Variants in MYO10 observed in about 807,000 individuals in gnomAD.
The protein encoded by MYO10 is myosin X, also known as unconventional myosin-X.
Under a neutral mutation model 257.3 loss-of-function variants are expected in MYO10, and 133 were observed. The ratio of observed to expected loss-of-function variants is 0.52; its 90% confidence interval spans 0.45 to 0.60. The LOEUF is 0.60. Among genes scored for constraint, MYO10 ranks in the 20% least tolerant of loss-of-function variants. MYO10 has a pLI of 0.00. For synonymous variants in MYO10, 1,104 were observed against 1,028.6 expected, an observed-to-expected ratio of 1.07 and a Z score of -1.40; for missense variants, 2,399 against 2,635.7, an observed-to-expected ratio of 0.91 and a Z score of 1.97.
intron 2 of MYO10, among the ~76,000 whole-genome samples, chr5:16,863,442 G>A (rs1744159553): frequency 6.6e-6 from 1 of 152,194 alleles, no homozygotes; most frequent in Non-Finnish European, 1.5e-5. Context: ...ATTTTTCAGT[G>A]GTGCTGGGAA....
intron 19 of MYO10, among the ~76,000 whole-genome samples, chr5:16,737,522 C>T (rs1739851776): frequency 6.6e-6 from 1 of 152,198 alleles, no homozygotes; most frequent in Non-Finnish European, 1.5e-5. Flanking sequence ...TGAAACGATA[C>T]ACCATTTTCT....
chr5:16,863,648 G>A (rs928384989), intron 2 of MYO10, among the ~76,000 whole-genome samples: 1 of 152,118 alleles, frequency 6.6e-6, no homozygotes, highest in Non-Finnish European at 1.5e-5. Flanking sequence ...AAGATTCTGA[G>A]CCAAACTCAA....
At chr5:16,855,397 C>G (rs1399463732) in intron 2 of MYO10, among the ~76,000 whole-genome samples, 2 of 152,086 alleles carry the variant, frequency 1.3e-5, no homozygotes, top group African/African-American at 4.8e-5. Context: ...CCATGTATTA[C>G]TTTCCAAGGC....
chr5:16,763,798 C>T lies in MYO10; in HGVS notation c.1327-43G>A, dbSNP rs376588942. The stretch of plus-strand genomic sequence containing the variant: ...TCAATAAGTATCTTTAGTGTACTCA[C>T]GATTATATAGAAAGGTGAAGAAAAG... On this transcript the variant is annotated intron_variant, in intron 12 of 40. Coordinates refer to ENST00000513610, the MANE Select transcript of MYO10 (RefSeq NM_012334.3). 1.2e-5 allele frequency: 14 copies of T among 1,155,076 alleles called. No individual in the cohort carries two copies. In the East Asian group the frequency reaches 1.7e-4, roughly 14 times the overall value. The allele number at this position is 1,155,076 out of a possible 1,614,324, so 71.6% of individuals were successfully genotyped here. A position where few individuals can be genotyped will look rare whatever the true frequency, so the allele number is the denominator to read the frequency against.
At chr5:16,719,897 G>C (rs1008890571) in intron 19 of MYO10, among the ~76,000 whole-genome samples, 1 of 152,282 alleles carries the variant, frequency 6.6e-6, no homozygotes, top group African/African-American at 2.4e-5. Flanking sequence ...CCAGGAGGCG[G>C]AGGTTGTAGT....
At chr5:16,887,084 C>A (rs2126770423) in intron 1 of MYO10, among the ~76,000 whole-genome samples, 1 of 152,124 alleles carries the variant, frequency 6.6e-6, no homozygotes, top group African/African-American at 2.4e-5. Flanking sequence ...GTTCACAGAC[C>A]AATTTGTCCC....
Position 16,761,464 on chromosome 5 carries a change from C to T in MYO10, c.1739G>A (p.Arg580Gln), listed in dbSNP as rs754786857. The T allele has an allele frequency of 2.5e-6, 4 of 1,608,960 alleles. No homozygotes were observed. The highest frequency in any genetic ancestry group is 1.7e-5 in the Admixed American group (1 of 59,846). ...DDLLNLLRES[R>Q]FDFIYDLFEH... The stretch of plus-strand genomic sequence containing the variant: ...CTTCTCGGTGAGAAGACTGACATAC[C>T]GGCTTTCTCTTAGCAAATTGAGAAG... The change falls in exon 17 of 41, where the codon CGA (arginine) becomes CAA (glutamine). Residue 580 changes from arginine (R) to glutamine (Q), a missense_variant and splice_region_variant. This residue lies in a region of MYO10 where 1,820 missense variants were observed against 1,939.4 expected (regional missense o/e 0.94). Coordinates refer to ENST00000513610, the MANE Select transcript of MYO10 (RefSeq NM_012334.3).
intron 2 of MYO10, among the ~76,000 whole-genome samples, chr5:16,849,905 A>T (rs1280286932): frequency 6.6e-6 from 1 of 152,208 alleles, no homozygotes; most frequent in East Asian, 1.9e-4. Flanking sequence ...ACCCAAAAAC[A>T]AAAAGCCATT....
At chr5:16,743,897 TACC>T (rs1295024071) in intron 19 of MYO10, among the ~76,000 whole-genome samples, 1 of 152,216 alleles carries the variant, frequency 6.6e-6, no homozygotes, top group East Asian at 1.9e-4. Flanking sequence ...ATAACAAATG[TACC>T]ACATTAGTAC....
At chr5:16,797,214 C>T (rs1741997062) in intron 3 of MYO10, among the ~76,000 whole-genome samples, 1 of 152,048 alleles carries the variant, frequency 6.6e-6, no homozygotes, top group African/African-American at 2.4e-5. Context: ...TTTTGAGCAC[C>T]AACATGATGC....
Position 16,699,496 on chromosome 5 carries a change from G to A in MYO10, c.3510C>T (p.Tyr1170=). The change falls in exon 26 of 41, where the codon TAC becomes TAT. Residue 1170 remains tyrosine, a synonymous_variant. Transcript: ENST00000513610. ...GGAAATACGGCAGAGTGACACAGCT[G>A]TACACAGAGTCACGCCGGTATGAAA... ...DELSYRRDSV[Y]SCVTLPYFHS... is the part of the protein sequence containing the mutation. 2 of 1,613,822 alleles carry A rather than the reference G, an allele frequency of 1.2e-6. No homozygotes were observed. The highest frequency in any genetic ancestry group is 1.7e-6 in the Non-Finnish European group (2 of 1,179,848).
chr5:16,861,664 T>C (rs1744113435), intron 2 of MYO10, among the ~76,000 whole-genome samples: 1 of 152,084 alleles, frequency 6.6e-6, no homozygotes. Context: ...AGAGAAAGCA[T>C]AAATGTCATT....
Position 16,680,115 on chromosome 5 carries a change from AG to A in MYO10, c.4385-12del. Reference sequence around the variant, plus strand: ...TGACGTTCCAGTAGCCTGCAATGGCAGGGGTGCCCAGCACACGCACGTCAAC... The same window carrying A: ...TGACGTTCCAGTAGCCTGCAATGGCAGGGTGCCCAGCACACGCACGTCAAC... On this transcript the variant is annotated splice_polypyrimidine_tract_variant and intron_variant, in intron 32 of 40. Coordinates refer to ENST00000513610, the MANE Select transcript of MYO10 (RefSeq NM_012334.3). 6.2e-7 allele frequency: 1 copy of A among 1,604,896 alleles called. No homozygotes were observed. The highest frequency in any genetic ancestry group is 1.8e-4 in the Middle Eastern group (1 of 5,414).
chr5:16,729,834 C>T (rs1739515374), intron 19 of MYO10, among the ~76,000 whole-genome samples: 1 of 152,140 alleles, frequency 6.6e-6, no homozygotes, highest in Non-Finnish European at 1.5e-5. Flanking sequence ...CTCATCCACT[C>T]ACTTTCTCAG....
At position 16,915,137 on chromosome 5, in the gene MYO10, T is replaced by C. The variant is rs573898559; in HGVS notation, c.21+20651A>G. Reference sequence around the variant, plus strand: ...GCTAATGGCCAACTGCAAAATAATATTGATCACACAAATAAAATCCAACAA... The same window carrying C: ...GCTAATGGCCAACTGCAAAATAATACTGATCACACAAATAAAATCCAACAA... On this transcript the variant is annotated intron_variant, in intron 1 of 40. Coordinates refer to ENST00000513610, the MANE Select transcript of MYO10 (RefSeq NM_012334.3). Among the ~76,000 whole-genome samples the C allele has an allele frequency of 3.3e-5, 5 of 152,298 alleles. No individual in the cohort carries two copies. The East Asian group carries it at 9.7e-4, about 29-fold the overall frequency.
intron 2 of MYO10, among the ~76,000 whole-genome samples, chr5:16,865,875 C>G (rs1458208198): frequency 6.6e-6 from 1 of 151,392 alleles, no homozygotes; most frequent in Non-Finnish European, 1.5e-5. Context: ...GCTTAACAGG[C>G]TCGGAGTTTT....
rs944763459 is a variant in MYO10 at position 16,742,153 on chromosome 5, G to T, written c.1929+12675C>A. 11 of 984,854 alleles carry T rather than the reference G, an allele frequency of 1.1e-5. No homozygotes were observed. In the African/African-American group the frequency reaches 1.6e-4, roughly 14 times the overall value. The allele number at this position is 984,854 out of a possible 1,614,324, so 61.0% of individuals were successfully genotyped here. On this transcript the variant is annotated intron_variant, in intron 19 of 40. Transcript: ENST00000513610. ...AATCAATAATTTTTTTTTAAAAAAA[G>T]TCCCAGGACAAAATCAAGCAGTTTA...
At chr5:16,848,155 C>CTTT (rs371042891) in intron 2 of MYO10, among the ~76,000 whole-genome samples, 19 of 113,560 alleles carry the variant, frequency 1.7e-4, no homozygotes, top group African/African-American at 3.7e-4. Context: ...CTACACATTT[C>CTTT]TTTTTTTTTT....
At chr5:16,856,645 G>T (rs1743968390) in intron 2 of MYO10, among the ~76,000 whole-genome samples, 1 of 152,120 alleles carries the variant, frequency 6.6e-6, no homozygotes, top group Admixed American at 6.5e-5. Context: ...GGGAGGTGGA[G>T]TCTACAGATG....
Sources: allele counts gnomAD v4.1 joint callset (sites outside exome capture counted in the v4.1 genomes callset), GRCh38; gene constraint gnomAD v4.1.1; regional missense constraint gnomAD v4.1.1; transcripts MANE v1.5; gene names NCBI Gene and HGNC (gene_info 2026-07-23, HGNC 2026-07-21).